The following ATP8B4 variants were observed in gnomAD, a reference collection of about 807,000 sequenced individuals.
ATP8B4 encodes ATPase phospholipid transporting 8B4 (putative), also known as probable phospholipid-transporting ATPase IM.
Under a neutral mutation model 145.6 loss-of-function variants are expected in ATP8B4, and 133 were observed. The ratio of observed to expected loss-of-function variants is 0.91; its 90% CI spans 0.79 to 1.05. The LOEUF (loss-of-function observed/expected upper bound fraction) is 1.05. ATP8B4 is among the 50% of genes least tolerant of loss of function. The pLI is 0.00. For missense variants in ATP8B4, 1,458 were observed against 1,425.2 expected (o/e 1.02, Z -0.37); for synonymous variants, 507 against 492.9 (o/e 1.03, Z -0.38).
chr15:50,130,287 T>G (rs2057337049), intron 1 of ATP8B4, among the ~76,000 whole-genome samples: 1 of 152,188 alleles, frequency 6.6e-6, no homozygotes, highest in Non-Finnish European at 1.5e-5. Context: ...TGCCTTGCTA[T>G]AATCACACCT....
chr15:50,095,899 G>A (rs1240053455), intron 2 of ATP8B4, among the ~76,000 whole-genome samples: 3 of 152,150 alleles, frequency 2.0e-5, no homozygotes, highest in African/African-American at 4.8e-5. Flanking sequence ...AACTGACTTC[G>A]AAGATTCTTC....
chr15:49,901,327 T>G, intron 20 of ATP8B4, 88 bp from the exon 21 acceptor site: 1 of 1,352,840 alleles, frequency 7.4e-7, no homozygotes, highest in Non-Finnish European at 1.0e-6. Context: ...AGAGGTAAAT[T>G]TATTTCACCA....
upstream of ATP8B4, among the ~76,000 whole-genome samples, chr15:50,123,603 A>T (rs2153678205): frequency 6.6e-6 from 1 of 152,280 alleles, no homozygotes; most frequent in Admixed American, 6.5e-5. Flanking sequence ...AATTATCCTT[A>T]AAAACCCCAA....
At chr15:49,901,902 G>A in intron 20 of ATP8B4, 1 of 370,394 alleles carries the variant, frequency 2.7e-6, no homozygotes, top group South Asian at 2.1e-5. Flanking sequence ...ATAGAGGGTT[G>A]TTCCAAATGG....
intron 20 of ATP8B4, among the ~76,000 whole-genome samples, chr15:49,913,064 G>A (rs1566975807): frequency 1.3e-5 from 2 of 151,704 alleles, no homozygotes; most frequent in South Asian, 4.2e-4. Flanking sequence ...CCCGGAGGTC[G>A]ATGCTGCAGT....
At position 49,969,596 on chromosome 15, in the gene ATP8B4, A is replaced by T. The variant is rs372361449; in HGVS notation, c.1243+2986T>A. On this transcript the variant is annotated intron_variant, in intron 13 of 27. Transcript: ENST00000284509. Reference sequence around the variant, plus strand: ...AGGAAGAAGTCAAATGCCTGAATAGACCAATAACAAGTTCTGAAATTGAGG... The same window carrying T: ...AGGAAGAAGTCAAATGCCTGAATAGTCCAATAACAAGTTCTGAAATTGAGG... 8.5e-5 allele frequency among the ~76,000 whole-genome samples: 13 copies of T among 152,328 alleles called. No individual in the cohort carries two copies. The East Asian group carries it at 2.5e-3, about 29-fold the overall frequency.
chr15:50,117,294 C>T (rs1388913075), intron 1 of ATP8B4, among the ~76,000 whole-genome samples: 1 of 152,196 alleles, frequency 6.6e-6, no homozygotes, highest in Non-Finnish European at 1.5e-5. Context: ...AAGTAATCCA[C>T]TTGCCTCAGC....
At chr15:50,047,911 G>A (rs2051848671) in intron 3 of ATP8B4, among the ~76,000 whole-genome samples, 1 of 152,186 alleles carries the variant, frequency 6.6e-6, no homozygotes, top group Non-Finnish European at 1.5e-5. Context: ...TCCTGGGATG[G>A]GAAACTGACT....
At chr15:50,144,569 GA>G (rs2044252164) in intron 1 of ATP8B4, among the ~76,000 whole-genome samples, 1 of 152,098 alleles carries the variant, frequency 6.6e-6, no homozygotes, top group Non-Finnish European at 1.5e-5. Flanking sequence ...ACTATCTTGA[GA>G]ACAGCATGGG....
chr15:49,961,924 A>C (rs569632513), intron 14 of ATP8B4, 53 bp downstream of exon 14: 1 of 1,433,316 alleles, frequency 7.0e-7, no homozygotes, highest in East Asian at 2.5e-5. Flanking sequence ...TTTTCTTAAA[A>C]GTACATATAA....
intron 1 of ATP8B4, among the ~76,000 whole-genome samples, chr15:50,141,931 G>A (rs989365576): frequency 6.6e-6 from 1 of 152,176 alleles, no homozygotes; most frequent in Non-Finnish European, 1.5e-5. Flanking sequence ...AGCCAGAGGA[G>A]GGAGCAACTT....
At chr15:50,166,407 C>T (rs2044599110) in intron 1 of ATP8B4, among the ~76,000 whole-genome samples, 1 of 152,184 alleles carries the variant, frequency 6.6e-6, no homozygotes, top group Admixed American at 6.5e-5. Context: ...AGTAGCTATT[C>T]ATGACTGCTG....
At position 50,079,866 on chromosome 15, in the gene ATP8B4, C is replaced by G. The variant is rs375528755; in HGVS notation, c.29-5681G>C. Among the ~76,000 whole-genome samples the G allele has an allele frequency of 3.0e-4, 46 of 152,292 alleles. 1 individual carries two copies. The highest frequency in any genetic ancestry group is 1.1e-3 in the African/African-American group (45 of 41,532). On this transcript the variant is annotated intron_variant, in intron 2 of 27. Transcript: ENST00000284509. ...TGAGATTGAACTTCCTGGAACATAC[C>G]TGGAATGCTGCTACACCGTATTGCT...
At chr15:49,902,445 A>C (rs1456152269) in intron 20 of ATP8B4, among the ~76,000 whole-genome samples, 1 of 152,248 alleles carries the variant, frequency 6.6e-6, no homozygotes, top group East Asian at 1.9e-4. Context: ...AAAAATAAAA[A>C]TGATACAAAA....
chr15:50,034,862 C>T (rs2050719437), intron 6 of ATP8B4, among the ~76,000 whole-genome samples: 1 of 152,188 alleles, frequency 6.6e-6, no homozygotes, highest in African/African-American at 2.4e-5. Context: ...GAATAGTTAG[C>T]ATGACTTGAG....
At position 50,130,503 on chromosome 15, in the gene ATP8B4, G is replaced by A. The variant is rs535199160; in HGVS notation, c.-42-23495C>T. 8.5e-5 allele frequency among the ~76,000 whole-genome samples: 13 copies of A among 152,240 alleles called. No homozygotes were observed. The South Asian group carries it at 2.3e-3, about 27-fold the overall frequency. Reference sequence around the variant, plus strand: ...TAAAAAATAAGAGTCTTGGCTGGGTGCAGTGGCTTATGCCTGTAATCCCGG... The same window carrying A: ...TAAAAAATAAGAGTCTTGGCTGGGTACAGTGGCTTATGCCTGTAATCCCGG... On this transcript the variant is annotated intron_variant, in intron 1 of 3. Transcript: ENST00000558829.
At chr15:50,158,405 G>A (rs1385676508) in intron 1 of ATP8B4, among the ~76,000 whole-genome samples, 62 of 148,470 alleles carry the variant, frequency 4.2e-4, no homozygotes, top group African/African-American at 1.3e-3. Flanking sequence ...GTCAGCCCCC[G>A]CCCGGCCAGC....
intron 1 of ATP8B4, among the ~76,000 whole-genome samples, chr15:50,168,234 A>G (rs565936018): frequency 7.2e-5 from 11 of 152,300 alleles, no homozygotes; most frequent in African/African-American, 2.6e-4. Context: ...GAAGGCTCGC[A>G]TTGCGAATTT....
chr15:50,130,759 A>G (rs762985107), intron 1 of ATP8B4, among the ~76,000 whole-genome samples: 13 of 152,144 alleles, frequency 8.5e-5, no homozygotes, highest in African/African-American at 1.7e-4. Context: ...CTGGTGACAG[A>G]GCAAGGCTCT....
Sources: allele counts gnomAD v4.1 joint callset (sites outside exome capture counted in the v4.1 genomes callset), GRCh38; gene constraint gnomAD v4.1.1; transcripts MANE v1.5; gene names NCBI Gene and HGNC (gene_info 2026-07-23, HGNC 2026-07-21).